The following NEK10 variants were observed in gnomAD, a reference collection of about 807,000 sequenced individuals.
The protein encoded by NEK10 is serine/threonine-protein kinase Nek10.
NEK10 carries 122 observed loss-of-function variants against 159.8 expected under a neutral mutation model. That is an observed-to-expected ratio of 0.76 (90% CI 0.66 to 0.89). The LOEUF (loss-of-function observed/expected upper bound fraction) is 0.89, where lower values mean the gene tolerates loss of function less well. NEK10 is among the 40% of genes least tolerant of loss of function. NEK10 has a pLI of 0.00. For missense variants in NEK10, 1,342 were observed against 1,323.1 expected, an observed-to-expected ratio of 1.01 and a Z score of -0.22; for synonymous variants, 466 against 457.1, an observed-to-expected ratio of 1.02 and a Z score of -0.25.
chr3:27,159,988 G>A lies in NEK10; in HGVS notation c.2869+2713C>T, dbSNP rs190981228. 1.6e-3 allele frequency among the ~76,000 whole-genome samples: 237 copies of A among 150,404 alleles called. 1 individual carries two copies. Among genetic ancestry groups the A allele is most frequent in the Non-Finnish European group, 2.3e-3 (154 of 67,790 alleles). On this transcript the variant is annotated intron_variant, in intron 30 of 35. Coordinates refer to ENST00000691995, the MANE Select transcript of NEK10 (RefSeq NM_001394966.1). Reference sequence around the variant, plus strand: ...AAATTCTCCCCTTTCTGCTTTTTCCGGAACATTTAGGCAATACAGGGCTGT... The same window carrying A: ...AAATTCTCCCCTTTCTGCTTTTTCCAGAACATTTAGGCAATACAGGGCTGT...
intron 29 of NEK10, 113 bp downstream of exon 29, chr3:27,171,706 T>G: frequency 9.6e-7 from 1 of 1,037,536 alleles, no homozygotes; most frequent in Non-Finnish European, 1.4e-6. Context: ...AAGCTCTAAC[T>G]CCTATTTCCG....
intron 26 of NEK10, among the ~76,000 whole-genome samples, chr3:27,191,798 G>A (rs541998010): frequency 3.3e-5 from 5 of 152,230 alleles, no homozygotes; most frequent in South Asian, 4.2e-4. Context: ...GTGATACCTC[G>A]ATTTTTGCAA....
At chr3:27,334,142 C>T (rs962081088) in intron 5 of NEK10, among the ~76,000 whole-genome samples, 5 of 152,158 alleles carry the variant, frequency 3.3e-5, no homozygotes, top group Admixed American at 6.5e-5. Context: ...CCACTGGCAC[C>T]TAAACCCTCC....
Position 27,128,965 on chromosome 3 carries a change from G to A in NEK10, c.3081+2915C>T, listed in dbSNP as rs145596369. On this transcript the variant is annotated intron_variant, in intron 32 of 35. Coordinates refer to ENST00000691995, the MANE Select transcript of NEK10 (RefSeq NM_001394966.1). ...TTTCAATGAAAATATTAGGAAATGT[G>A]TATATTTTTTAATAGATGAGATTTA... Among the ~76,000 whole-genome samples, 482 of 152,230 alleles carry A rather than the reference G, an allele frequency of 3.2e-3. 2 individuals carry two copies. The highest frequency in any genetic ancestry group is 0.011 in the African/African-American group (461 of 41,542).
At chr3:27,239,671 TA>T (rs1175196964) in intron 23 of NEK10, among the ~76,000 whole-genome samples, 3 of 152,174 alleles carry the variant, frequency 2.0e-5, no homozygotes, top group African/African-American at 7.2e-5. Flanking sequence ...TTGTATGTAA[TA>T]TCTAGAAGTC....
chr3:27,164,322 A>G (rs1946286033), intron 29 of NEK10, among the ~76,000 whole-genome samples: 1 of 152,200 alleles, frequency 6.6e-6, no homozygotes, highest in South Asian at 2.1e-4. Flanking sequence ...GTATGCCTGC[A>G]CAAATGCCAT....
intron 23 of NEK10, among the ~76,000 whole-genome samples, chr3:27,239,982 A>G (rs1954370305): frequency 1.3e-5 from 2 of 152,220 alleles, no homozygotes; most frequent in Admixed American, 6.5e-5. Flanking sequence ...TGAAGATGGT[A>G]AAAAATGAAA....
chr3:27,276,215 T>A (rs1219679776), intron 22 of NEK10, among the ~76,000 whole-genome samples: 1 of 152,018 alleles, frequency 6.6e-6, no homozygotes, highest in African/African-American at 2.4e-5. Flanking sequence ...TCAAGAAAGT[T>A]CATTTCTCTC....
Position 27,314,191 on chromosome 3 carries a change from C to G in NEK10, c.489+106G>C, listed in dbSNP as rs1320911209. On this transcript the variant is annotated intron_variant, in intron 7 of 35. Transcript: ENST00000691995. ...GCTGTCTGTCCCTCTCTGGGGCAGACAGCATAACATAGGAAAGCCACCTTC... is the reference window on the plus strand; with the variant it reads ...GCTGTCTGTCCCTCTCTGGGGCAGAGAGCATAACATAGGAAAGCCACCTTC... 2.6e-5 allele frequency: 20 copies of G among 768,544 alleles called. No individual in the cohort carries two copies. The Admixed American group carries it at 2.9e-4, about 11-fold the overall frequency. The allele number at this position is 768,544 out of a possible 1,614,324, so 47.6% of individuals were successfully genotyped here. A position where few individuals can be genotyped will look rare whatever the true frequency, so the allele number is the denominator to read the frequency against.
chr3:27,123,873 T>G (rs1341615920), intron 32 of NEK10, among the ~76,000 whole-genome samples: 1 of 151,820 alleles, frequency 6.6e-6, no homozygotes, highest in Non-Finnish European at 1.5e-5. Flanking sequence ...GCATGCTAGA[T>G]AAACAAATTT....
chr3:27,269,562 C>A (rs1473067186), intron 22 of NEK10, among the ~76,000 whole-genome samples: 6 of 152,220 alleles, frequency 3.9e-5, no homozygotes, highest in Middle Eastern at 3.4e-3. Context: ...GCCTAAATTG[C>A]TTTTTAGACA....
At position 27,182,938 on chromosome 3, in the gene NEK10, AG is replaced by A. The variant is rs1035780979; in HGVS notation, c.2506-8106del. On this transcript the variant is annotated intron_variant, in intron 26 of 35. Coordinates refer to ENST00000691995, the MANE Select transcript of NEK10 (RefSeq NM_001394966.1). Reference sequence around the variant, plus strand: ...CCAGAGGCTGGGAAGAGGAGAGGAGAGGGGGGATAAAAAAGGAACGGTTGGG... The same window carrying A: ...CCAGAGGCTGGGAAGAGGAGAGGAGAGGGGGATAAAAAAGGAACGGTTGGG... 3.9e-5 allele frequency among the ~76,000 whole-genome samples: 6 copies of A among 152,088 alleles called. No individual in the cohort carries two copies. The East Asian group carries it at 7.7e-4, about 20-fold the overall frequency.
intron 5 of NEK10, among the ~76,000 whole-genome samples, chr3:27,322,688 T>C (rs2045733701): frequency 6.6e-6 from 1 of 152,222 alleles, no homozygotes; most frequent in Non-Finnish European, 1.5e-5. Context: ...GTGTGTGCAT[T>C]AGTGGAAACA....
At position 27,309,025 on chromosome 3, in the gene NEK10, A is replaced by G; in HGVS notation, c.637-20T>C. ...TAATGTCTGAAAAATGAAGTAAAAT[A>G]AAGTTTAATTATATAAGTACTACAA... On this transcript the variant is annotated intron_variant, in intron 9 of 35. Transcript: ENST00000691995. The G allele has an allele frequency of 7.5e-7, 1 of 1,330,236 alleles. No homozygotes were observed. The highest frequency in any genetic ancestry group is 1.2e-5 in the South Asian group (1 of 80,618). 82.4% of individuals were successfully genotyped at this position (1,330,236 alleles called of 1,614,324 possible). A position where few individuals can be genotyped will look rare whatever the true frequency, so the allele number is the denominator to read the frequency against.
intron 30 of NEK10, among the ~76,000 whole-genome samples, chr3:27,142,582 T>A (rs1336554849): frequency 2.0e-5 from 3 of 151,994 alleles, no homozygotes; most frequent in African/African-American, 7.2e-5. Flanking sequence ...TACTATGAAG[T>A]TAAACATGAA....
chr3:27,154,805 A>G (rs527577627), intron 30 of NEK10, among the ~76,000 whole-genome samples: 1 of 152,340 alleles, frequency 6.6e-6, no homozygotes, highest in Admixed American at 6.5e-5. Flanking sequence ...CCTCAATGTA[A>G]TAAAAGCCAT....
intron 33 of NEK10, 39 bp from the exon 34 acceptor site, chr3:27,116,166 T>A (rs1185382838): frequency 5.0e-6 from 8 of 1,589,430 alleles, no homozygotes; most frequent in Non-Finnish European, 6.9e-6. Flanking sequence ...ACATTTGGGT[T>A]CACATTTTCT....
At chr3:27,118,450 A>T (rs1940811319) in intron 33 of NEK10, among the ~76,000 whole-genome samples, 2 of 152,208 alleles carry the variant, frequency 1.3e-5, no homozygotes, top group Admixed American at 1.3e-4. Flanking sequence ...TAGAGAAGAG[A>T]GAATGGGTTT....
Position 27,202,537 on chromosome 3 carries a change from T to A in NEK10, c.2111A>T (p.Glu704Val). The change falls in exon 24 of 36, where the codon GAG (glutamate) becomes GTG (valine). Residue 704 changes from glutamate (E) to valine (V), a missense_variant. By Grantham distance (121) the Glu-to-Val change is moderately radical. Transcript: ENST00000691995. ...GACATCAGCCTTCTCCCCATACGGC[T>A]CACTCTTCAGTACCTCGGGGCTGAA... ...LYSCPEVLKSEPYGEKADVWA... is the reference protein window; with the variant it reads ...LYSCPEVLKSVPYGEKADVWA... The A allele has an allele frequency of 6.2e-7, 1 of 1,611,054 alleles. No individual in the cohort carries two copies.
Sources: gnomAD v4.1 joint callset for allele counts (sites outside exome capture counted in the v4.1 genomes callset) on GRCh38, gnomAD v4.1.1 for gene constraint, MANE v1.5 for transcripts, NCBI Gene and HGNC (gene_info 2026-07-23, HGNC 2026-07-21) for gene names.